The following SESTD1 variants were observed in gnomAD, a reference collection of about 807,000 sequenced individuals.
SESTD1 encodes the protein SEC14 and spectrin domain containing 1, also known as SEC14 domain and spectrin repeat-containing protein 1.
A neutral mutation model predicts 101.7 loss-of-function variants in SESTD1; 43 were observed. The observed-to-expected ratio is 0.42, with a 90% CI of 0.33 to 0.55. The LOEUF is 0.55. SESTD1 is among the 20% of genes least tolerant of loss of function. The pLI is 0.07. For missense variants in SESTD1, 647 were observed against 815.1 expected (o/e 0.79, Z 2.51); for synonymous variants, 283 against 286.8 (o/e 0.99, Z 0.13).
At chr2:179,264,163 G>T (rs1574077634) in intron 1 of SESTD1, 2 of 152,308 alleles carry the variant, frequency 1.3e-5, no homozygotes, top group East Asian at 3.9e-4. Flanking sequence ...GAACAAGGGC[G>T]CTCAGGAACG....
At chr2:179,135,052 C>A (rs2045108339) in intron 9 of SESTD1, among the ~76,000 whole-genome samples, 1 of 152,108 alleles carries the variant, frequency 6.6e-6, no homozygotes, top group African/African-American at 2.4e-5. Flanking sequence ...TCAAGCGATT[C>A]TCCTGTCTCA....
intron 1 of SESTD1, among the ~76,000 whole-genome samples, chr2:179,211,346 G>C (rs1276221519): frequency 7.5e-6 from 1 of 133,444 alleles, no homozygotes; most frequent in Non-Finnish European, 1.6e-5. Context: ...AAAAGAGCCT[G>C]CATAGCCAAA....
At chr2:179,177,032 T>G (rs1472255102) in intron 3 of SESTD1, among the ~76,000 whole-genome samples, 1 of 152,170 alleles carries the variant, frequency 6.6e-6, no homozygotes, top group Non-Finnish European at 1.5e-5. Context: ...TAGCGTTCCT[T>G]TGGAGAAATT....
rs996789246 is a variant in SESTD1 at position 179,201,352 on chromosome 2, G to T, written c.-25-9486C>A. Among the ~76,000 whole-genome samples, 605 of 125,600 alleles carry T rather than the reference G, an allele frequency of 4.8e-3. 127 individuals are homozygous for T. The highest frequency in any genetic ancestry group is 0.02 in the African/African-American group (570 of 27,980). The allele number at this position is 125,600 out of a possible 152,430, so 82.4% of individuals were successfully genotyped here. ...ACTGTGAACTAGTTCAACCATTGTGGAAGTCAGTGTGGCGATTCCTCAGGG... is the reference window on the plus strand; with the variant it reads ...ACTGTGAACTAGTTCAACCATTGTGTAAGTCAGTGTGGCGATTCCTCAGGG... On this transcript the variant is annotated intron_variant, in intron 1 of 17. Transcript: ENST00000428443.
At chr2:179,243,122 T>C in intron 1 of SESTD1, among the ~76,000 whole-genome samples, 1 of 151,822 alleles carries the variant, frequency 6.6e-6, no homozygotes, top group African/African-American at 2.4e-5. Flanking sequence ...ACAACCCTAT[T>C]AAAAAGTGGG....
At chr2:179,135,921 G>A (rs1317028714) in intron 9 of SESTD1, among the ~76,000 whole-genome samples, 1 of 152,186 alleles carries the variant, frequency 6.6e-6, no homozygotes, top group East Asian at 1.9e-4. Context: ...ATGCTCTTTA[G>A]AGTGCAATGG....
chr2:179,138,559 G>A (rs2045206461), intron 9 of SESTD1, among the ~76,000 whole-genome samples: 1 of 152,154 alleles, frequency 6.6e-6, no homozygotes, highest in Non-Finnish European at 1.5e-5. Context: ...GAAAGCCATG[G>A]TGAGAGGTTC....
chr2:179,240,030 G>A (rs2047127511), intron 1 of SESTD1, among the ~76,000 whole-genome samples: 1 of 152,188 alleles, frequency 6.6e-6, no homozygotes, highest in African/African-American at 2.4e-5. Flanking sequence ...AGATTACAAG[G>A]TGATGAGACA....
At chr2:179,131,858 T>C (rs2045021150) in intron 10 of SESTD1, among the ~76,000 whole-genome samples, 1 of 152,222 alleles carries the variant, frequency 6.6e-6, no homozygotes, top group Non-Finnish European at 1.5e-5. Context: ...AAAAATATTC[T>C]GCACCCTCTG....
intron 5 of SESTD1, among the ~76,000 whole-genome samples, chr2:179,160,767 C>G (rs1467945777): frequency 6.6e-6 from 1 of 151,896 alleles, no homozygotes; most frequent in African/African-American, 2.4e-5. Context: ...CACTATTTCC[C>G]AGTTATGAAA....
chr2:179,234,228 A>G lies in SESTD1; in HGVS notation c.-26+30271T>C, dbSNP rs117013209. Among the ~76,000 whole-genome samples, 21 of 152,292 alleles carry G rather than the reference A, an allele frequency of 1.4e-4. No homozygotes were observed. The East Asian group carries it at 3.9e-3, about 28-fold the overall frequency. On this transcript the variant is annotated intron_variant, in intron 1 of 17. Transcript: ENST00000428443. Reference sequence around the variant, plus strand: ...TGCCTGATGGCCTTCAAACTAGAACATCGGCTCTCTCTGGGTCTCCAGCCT... The same window carrying G: ...TGCCTGATGGCCTTCAAACTAGAACGTCGGCTCTCTCTGGGTCTCCAGCCT...
At position 179,252,439 on chromosome 2, in the gene SESTD1, A is replaced by C. The variant is rs145719818; in HGVS notation, c.-26+12060T>G. Among the ~76,000 whole-genome samples the C allele has an allele frequency of 4.1e-3, 620 of 152,278 alleles. 6 individuals are homozygous for C. Among genetic ancestry groups the C allele is most frequent in the African/African-American group, 0.014 (581 of 41,546 alleles). ...AATTCAAGATCTAGTAAAAACTATA[A>C]AAATCGCTGTTTGTCTTCTGAGCTG... On this transcript the variant is annotated intron_variant, in intron 1 of 17. Transcript: ENST00000428443.
At chr2:179,143,920 G>A in intron 8 of SESTD1, 117 bp from the exon 9 acceptor site, 1 of 991,458 alleles carries the variant, frequency 1.0e-6, no homozygotes, top group Non-Finnish European at 1.4e-6. Context: ...ATATCTACCA[G>A]GTTATAAATG....
chr2:179,203,765 A>G (rs2046554557), intron 1 of SESTD1, among the ~76,000 whole-genome samples: 1 of 133,836 alleles, frequency 7.5e-6, no homozygotes. Context: ...ATCTAAAGAG[A>G]GCACAGCCCA....
At chr2:179,149,749 C>T (rs1002751006) in intron 6 of SESTD1, among the ~76,000 whole-genome samples, 1 of 152,172 alleles carries the variant, frequency 6.6e-6, no homozygotes, top group African/African-American at 2.4e-5. Context: ...TTACAGAACA[C>T]TTCTTTATGT....
intron 1 of SESTD1, among the ~76,000 whole-genome samples, chr2:179,249,804 G>A (rs1261015806): frequency 1.3e-5 from 2 of 151,072 alleles, no homozygotes; most frequent in Admixed American, 1.3e-4. Flanking sequence ...ATGCCCAACT[G>A]CTTTTTGACA....
At chr2:179,233,594 G>C (rs927117602) in intron 1 of SESTD1, among the ~76,000 whole-genome samples, 6 of 152,020 alleles carry the variant, frequency 3.9e-5, no homozygotes, top group Non-Finnish European at 8.8e-5. Context: ...GCTGGGGTTA[G>C]AGGCGCATAC....
Position 179,149,361 on chromosome 2 carries a change from A to T in SESTD1, c.517T>A (p.Leu173Ile). Reference sequence around the variant, plus strand: ...TTAATCAAAGCAAGTTCATCTAATAATGATGTAGATTCCTTTGTAAACTTC... The same window carrying T: ...TTAATCAAAGCAAGTTCATCTAATATTGATGTAGATTCCTTTGTAAACTTC... The part of the protein sequence containing the change: ...FEKFTKESTS[L>I]LDELALINNG... Residue 173 changes from leucine to isoleucine, a missense_variant, in exon 7 of 18, where the codon TTA becomes ATA. Physicochemically the swap from Leu to Ile is conservative, Grantham distance 5. This residue lies in a region of SESTD1 where 168 missense variants were observed against 235.1 expected (regional missense o/e 0.71). Transcript: ENST00000428443. 6.2e-7 allele frequency: 1 copy of T among 1,607,912 alleles called. No homozygotes were observed. The highest frequency in any genetic ancestry group is 8.5e-7 in the Non-Finnish European group (1 of 1,178,368).
intron 1 of SESTD1, among the ~76,000 whole-genome samples, chr2:179,193,854 C>T (rs911798070): frequency 1.3e-5 from 2 of 152,184 alleles, no homozygotes; most frequent in Non-Finnish European, 2.9e-5. Flanking sequence ...ACCTTATAAA[C>T]TTTCAGATCA....
Sources: gnomAD v4.1 joint callset for allele counts (sites outside exome capture counted in the v4.1 genomes callset) on GRCh38, gnomAD v4.1.1 for gene constraint, gnomAD v4.1.1 regional missense constraint, MANE v1.5 for transcripts, NCBI Gene and HGNC (gene_info 2026-07-23, HGNC 2026-07-21) for gene names.